The following ANK2 variants were observed in gnomAD, a reference collection of about 807,000 sequenced individuals.
The protein encoded by ANK2 is ankyrin 2.
ANK2 carries 83 observed loss-of-function variants against 360.5 expected under a neutral mutation model. The ratio of observed to expected loss-of-function variants is 0.23; its 90% CI spans 0.19 to 0.28. The LOEUF is 0.28. ANK2 is among the 10% of genes least tolerant of loss of function. The pLI is 1.00. For missense variants in ANK2, 4,201 were observed against 4,795.7 expected (o/e 0.88, Z 3.66); for synonymous variants, 1,740 against 1,759.5 (o/e 0.99, Z 0.28).
intron 1 of ANK2, among the ~76,000 whole-genome samples, chr4:112,885,277 G>T (rs1015558621): frequency 7.9e-5 from 12 of 151,664 alleles, no homozygotes; most frequent in Admixed American, 7.2e-4. Flanking sequence ...GAGGCGGGTG[G>T]ATCACGAGGT....
chr4:113,260,664 AT>A (rs1032183083), intron 13 of ANK2, among the ~76,000 whole-genome samples: 3 of 152,132 alleles, frequency 2.0e-5, no homozygotes, highest in Admixed American at 1.3e-4. Flanking sequence ...TAAAATAATT[AT>A]TTGTTGTTTG....
intron 2 of ANK2, among the ~76,000 whole-genome samples, chr4:112,995,174 G>T (rs2048128248): frequency 6.6e-6 from 1 of 152,154 alleles, no homozygotes; most frequent in Non-Finnish European, 1.5e-5. Context: ...TTCATTCTTT[G>T]TGATGTCTCC....
At chr4:112,818,464 C>G (rs1168331276) in intron 1 of ANK2, among the ~76,000 whole-genome samples, 2 of 152,124 alleles carry the variant, frequency 1.3e-5, no homozygotes, top group Non-Finnish European at 2.9e-5. Flanking sequence ...GGTTTGTTCT[C>G]CATGTGATGT....
At chr4:112,749,147 G>C in the ANK2 span, among the ~76,000 whole-genome samples, 2 of 152,102 alleles carry the variant, frequency 1.3e-5, no homozygotes, top group Non-Finnish European at 2.9e-5. Context: ...TGATCCACCC[G>C]CCTCGGCCTC....
intron 2 of ANK2, among the ~76,000 whole-genome samples, chr4:113,014,509 C>T (rs1044074535): frequency 7.9e-5 from 12 of 152,124 alleles, no homozygotes; most frequent in African/African-American, 9.7e-5. Flanking sequence ...AATTCAAACC[C>T]GGATCTACCT....
the ANK2 span, among the ~76,000 whole-genome samples, chr4:112,773,365 G>A: frequency 4.6e-5 from 7 of 152,060 alleles, no homozygotes; most frequent in Admixed American, 4.6e-4. Context: ...ACACAAAATT[G>A]GCCCATGTTT....
chr4:112,858,429 A>G (rs1003556988), intron 1 of ANK2, among the ~76,000 whole-genome samples: 1 of 152,164 alleles, frequency 6.6e-6, no homozygotes. Context: ...ATACTTTTTG[A>G]TTGATGAGTG....
intron 1 of ANK2, among the ~76,000 whole-genome samples, chr4:113,065,958 A>C (rs144245852): frequency 2.0e-4 from 30 of 152,316 alleles, no homozygotes; most frequent in African/African-American, 6.7e-4. Flanking sequence ...GTCCCCAGGA[A>C]ATTAGATGGC....
chr4:112,932,446 A>C (rs539432523), intron 2 of ANK2, among the ~76,000 whole-genome samples: 1 of 149,864 alleles, frequency 6.7e-6, no homozygotes, highest in African/African-American at 2.5e-5. Flanking sequence ...GAGTTGAGAT[A>C]GCGCCACTAC....
chr4:112,825,262 C>T (rs2058153496), intron 1 of ANK2, among the ~76,000 whole-genome samples: 1 of 151,942 alleles, frequency 6.6e-6, no homozygotes, highest in Admixed American at 6.6e-5. Flanking sequence ...GGGTGCAGCA[C>T]ACCAACATGG....
intron 4 of ANK2, among the ~76,000 whole-genome samples, chr4:113,219,019 TA>T (rs1163546977): frequency 1.3e-5 from 2 of 152,190 alleles, no homozygotes; most frequent in Non-Finnish European, 2.9e-5. Context: ...GCCATAGGCC[TA>T]TACAAAGTAG....
At chr4:113,163,186 G>A (rs1419685617) in intron 1 of ANK2, among the ~76,000 whole-genome samples, 1 of 152,120 alleles carries the variant, frequency 6.6e-6, no homozygotes, top group Non-Finnish European at 1.5e-5. Context: ...GGGCTGGCAT[G>A]ATGGGAGTGA....
At chr4:113,066,820 A>G (rs1580582614) in intron 1 of ANK2, among the ~76,000 whole-genome samples, 1 of 152,126 alleles carries the variant, frequency 6.6e-6, no homozygotes, top group East Asian at 1.9e-4. Flanking sequence ...ACTTTGGGCA[A>G]GTAACTGAGC....
chr4:113,266,686 T>C (rs34606884), intron 14 of ANK2, among the ~76,000 whole-genome samples: 71,234 of 152,098 alleles, frequency 0.47, 17,184 homozygotes, highest in Non-Finnish European at 0.54. Context: ...GAGACCAGCC[T>C]GACCAACATG....
chr4:113,349,507 G>A (rs1049369639), intron 36 of ANK2, among the ~76,000 whole-genome samples: 2 of 152,144 alleles, frequency 1.3e-5, no homozygotes, highest in East Asian at 1.9e-4. Context: ...ATGGAGCAGG[G>A]TGAGAGAGGT....
intron 2 of ANK2, among the ~76,000 whole-genome samples, chr4:112,928,382 A>G (rs1337904167): frequency 6.6e-6 from 1 of 152,022 alleles, no homozygotes; most frequent in East Asian, 1.9e-4. Flanking sequence ...GTTATCTAGT[A>G]TAGTACTGTG....
the ANK2 span, among the ~76,000 whole-genome samples, chr4:112,744,996 T>C: frequency 6.6e-6 from 1 of 152,246 alleles, no homozygotes; most frequent in Admixed American, 6.5e-5. Flanking sequence ...CTCTATTGAT[T>C]TGTAAGCCCT....
intron 2 of ANK2, among the ~76,000 whole-genome samples, chr4:112,923,508 T>C (rs2091989932): frequency 6.6e-6 from 1 of 151,880 alleles, no homozygotes; most frequent in Non-Finnish European, 1.5e-5. Flanking sequence ...ATACATAAAA[T>C]TGGGGAAAAA....
intron 1 of ANK2, among the ~76,000 whole-genome samples, chr4:112,901,906 T>C (rs1195330369): frequency 6.6e-6 from 1 of 151,388 alleles, no homozygotes; most frequent in African/African-American, 2.4e-5. Context: ...AGATGTAATA[T>C]ATTTCACCAT....
Sources: allele counts gnomAD v4.1 joint callset (sites outside exome capture counted in the v4.1 genomes callset), GRCh38; gene constraint gnomAD v4.1.1; transcripts MANE v1.5; gene names NCBI Gene and HGNC (gene_info 2026-07-23, HGNC 2026-07-21).